Variants in COL10A1 observed in about 807,000 individuals in gnomAD.
The protein encoded by COL10A1 is collagen alpha-1(X) chain.
Under a neutral mutation model 18.2 loss-of-function variants are expected in COL10A1, and 10 were observed. The observed-to-expected ratio is 0.55, with a 90% CI of 0.34 to 0.93. The LOEUF is 0.93. Among genes scored for constraint, COL10A1 ranks in the 40% least tolerant of loss-of-function variants. COL10A1 has a pLI of 0.02. For missense variants in COL10A1, 897 were observed against 853.5 expected, an observed-to-expected ratio of 1.05 and a Z score of -0.64; for synonymous variants, 330 against 316.6, an observed-to-expected ratio of 1.04 and a Z score of -0.45.
At chr6:116,178,342 G>A in the COL10A1 span, among the ~76,000 whole-genome samples, 5 of 152,082 alleles carry the variant, frequency 3.3e-5, no homozygotes, top group South Asian at 1.0e-3. Flanking sequence ...TAAGCCCTAG[G>A]ACACCTTTCT....
the COL10A1 span, among the ~76,000 whole-genome samples, chr6:116,175,705 G>A: frequency 6.6e-6 from 1 of 152,118 alleles, no homozygotes; most frequent in Non-Finnish European, 1.5e-5. Flanking sequence ...AGAAGCTGAT[G>A]AACACACCAA....
chr6:116,150,727 T>C (rs1484879739), intron 1 of COL10A1, among the ~76,000 whole-genome samples: 2 of 152,180 alleles, frequency 1.3e-5, no homozygotes, highest in Non-Finnish European at 2.9e-5. Flanking sequence ...TATTTGATGT[T>C]GTTTGCTATT....
chr6:116,184,852 T>C, the COL10A1 span, among the ~76,000 whole-genome samples: 13 of 152,064 alleles, frequency 8.5e-5, no homozygotes, highest in Admixed American at 2.6e-4. Context: ...TATTATGTTT[T>C]GTAATTTTTT....
chr6:116,159,977 AG>A (rs1159155983), upstream of COL10A1, among the ~76,000 whole-genome samples: 2 of 152,290 alleles, frequency 1.3e-5, no homozygotes, highest in Admixed American at 1.3e-4. Flanking sequence ...AGTATTCCAC[AG>A]TGTATACATA....
upstream of COL10A1, among the ~76,000 whole-genome samples, chr6:116,162,330 A>G (rs1241802837): frequency 6.6e-6 from 1 of 152,182 alleles, no homozygotes. Context: ...AGGAGTGGTG[A>G]AAGTGCACAT....
chr6:116,137,379 C>G lies in COL10A1; in HGVS notation c.-15-11872G>C, dbSNP rs547974314. The G allele has an allele frequency of 1.6e-4, 26 of 158,378 alleles. No homozygotes were observed. The South Asian group carries it at 4.8e-3, about 29-fold the overall frequency. 9.8% of individuals were successfully genotyped at this position (158,378 alleles called of 1,614,324 possible). A position where few individuals can be genotyped will look rare whatever the true frequency, so the allele number is the denominator to read the frequency against. The stretch of plus-strand genomic sequence containing the variant: ...AAACTTGTAGGTTTTGGTGAATTTT[C>G]TGAAGCAGGTCACAGGGAAATCAGA... On this transcript the variant is annotated intron_variant, in intron 1 of 1. Transcript: ENST00000418500.
the COL10A1 span, among the ~76,000 whole-genome samples, chr6:116,175,064 G>T: frequency 1.3e-5 from 2 of 151,898 alleles, no homozygotes; most frequent in African/African-American, 4.8e-5. Context: ...AAGGAATTAG[G>T]CTTATTAACT....
At chr6:116,164,791 A>G in the COL10A1 span, among the ~76,000 whole-genome samples, 1 of 152,188 alleles carries the variant, frequency 6.6e-6, no homozygotes, top group African/African-American at 2.4e-5. Flanking sequence ...TTTGGGAAAT[A>G]CTTTATTTCT....
chr6:116,124,353 A>G (rs1002575707), intron 2 of COL10A1, among the ~76,000 whole-genome samples: 2 of 152,142 alleles, frequency 1.3e-5, no homozygotes, highest in Non-Finnish European at 2.9e-5. Flanking sequence ...TAGATATTTT[A>G]TAGGCGGTCG....
At chr6:116,122,042 G>T in intron 2 of COL10A1, 81 bp from the exon 3 acceptor site, 1 of 1,162,472 alleles carries the variant, frequency 8.6e-7, no homozygotes, top group Non-Finnish European at 1.3e-6. Context: ...TTCAAACTAT[G>T]AATTGGGACA....
the COL10A1 span, among the ~76,000 whole-genome samples, chr6:116,213,518 T>C: frequency 6.6e-6 from 1 of 152,034 alleles, no homozygotes; most frequent in African/African-American, 2.4e-5. Context: ...AGCAGTAAAA[T>C]AACCTCTCCA....
upstream of COL10A1, among the ~76,000 whole-genome samples, chr6:116,128,633 G>T (rs1779384593): frequency 6.6e-6 from 1 of 152,092 alleles, no homozygotes; most frequent in Admixed American, 6.6e-5. Flanking sequence ...TAGACATTAA[G>T]ATAAATACTG....
the COL10A1 span, among the ~76,000 whole-genome samples, chr6:116,205,725 G>A: frequency 6.6e-6 from 1 of 151,926 alleles, no homozygotes; most frequent in Non-Finnish European, 1.5e-5. Context: ...TTCACTAATT[G>A]TATTTACATC....
chr6:116,135,832 CAGAT>C (rs1306641859), intron 1 of COL10A1, among the ~76,000 whole-genome samples: 1 of 69,966 alleles, frequency 1.4e-5, no homozygotes, highest in African/African-American at 5.5e-5. Context: ...AATATATTTT[CAGAT>C]ATATATATAT....
At chr6:116,121,997 G>A in intron 2 of COL10A1, 36 bp from the exon 3 acceptor site, 1 of 1,564,968 alleles carries the variant, frequency 6.4e-7, no homozygotes, top group South Asian at 1.1e-5. Flanking sequence ...CCCATAGAAG[G>A]GGATGGTTAG....
the COL10A1 span, among the ~76,000 whole-genome samples, chr6:116,167,767 A>G: frequency 1.1e-4 from 16 of 152,186 alleles, no homozygotes; most frequent in Admixed American, 3.9e-4. Context: ...ATTACGTTGC[A>G]TAGCCCTCAA....
upstream of COL10A1, among the ~76,000 whole-genome samples, chr6:116,130,063 C>G (rs1779423405): frequency 6.6e-6 from 1 of 152,030 alleles, no homozygotes; most frequent in Non-Finnish European, 1.5e-5. Context: ...TGCCTACAGT[C>G]AATATTTTAT....
chr6:116,209,308 G>A, the COL10A1 span, among the ~76,000 whole-genome samples: 4 of 151,842 alleles, frequency 2.6e-5, no homozygotes, highest in Non-Finnish European at 4.4e-5. Context: ...TGTGGGCTGT[G>A]GTTTGCCAAC....
At chr6:116,164,229 T>C in the COL10A1 span, among the ~76,000 whole-genome samples, 1 of 152,184 alleles carries the variant, frequency 6.6e-6, no homozygotes, top group African/African-American at 2.4e-5. Context: ...TATTTTATTT[T>C]CTTAGGTGTA....
Sources: allele counts gnomAD v4.1 joint callset (sites outside exome capture counted in the v4.1 genomes callset), GRCh38; gene constraint gnomAD v4.1.1; transcripts MANE v1.5; gene names NCBI Gene and HGNC (gene_info 2026-07-23, HGNC 2026-07-21).